Variants in ZNF777 observed in about 807,000 individuals in gnomAD.
ZNF777 encodes the protein zinc finger protein 777.
Under a neutral mutation model 72.1 loss-of-function variants are expected in ZNF777, and 7 were observed. The observed-to-expected ratio is 0.10, with a 90% CI of 0.06 to 0.18. The LOEUF is 0.18. ZNF777 is among the 10% of genes least tolerant of loss of function. The probability of loss-of-function intolerance (pLI) is 1.00; values close to 1 mark genes in which losing one functional copy is unlikely to be tolerated. For missense variants in ZNF777, 828 were observed against 1,128.6 expected, an observed-to-expected ratio of 0.73 and a Z score of 3.82; for synonymous variants, 545 against 483.5, an observed-to-expected ratio of 1.13 and a Z score of -1.67.
In ZNF777 at chr7:149,436,890, A is replaced by G; in HGVS notation, c.1088-64T>C. The G allele has an allele frequency of 7.1e-6, 11 of 1,550,226 alleles. No homozygotes were observed. Among genetic ancestry groups the G allele is most frequent in the Non-Finnish European group, 9.6e-6 (11 of 1,140,192 alleles). On this transcript the variant is annotated intron_variant, in intron 4 of 5. Transcript: ENST00000247930. This position sits in a 1 kb window ranked among gnomAD's most constrained non-coding sequence, Gnocchi z 5.0. ...CCCAGAATGTTCATGCCAACTGCCC[A>G]GGTTTCTGCAGCCCTACAATTTACA...
intron 1 of ZNF777, among the ~76,000 whole-genome samples, chr7:149,459,305 G>A (rs965210635): frequency 6.6e-6 from 1 of 152,158 alleles, no homozygotes; most frequent in African/African-American, 2.4e-5. Context: ...GGATCTGAGG[G>A]ATGATTTTTT....
In ZNF777 at chr7:149,455,356, A is replaced by G; in HGVS notation, c.667T>C (p.Cys223Arg). 1 of 1,614,232 alleles carries G rather than the reference A, an allele frequency of 6.2e-7. No individual in the cohort carries two copies. The highest frequency in any genetic ancestry group is 8.5e-7 in the Non-Finnish European group (1 of 1,180,050). ...TGTNEKKIADCEKTAVEFANH... is the reference protein window; with the variant it reads ...TGTNEKKIADREKTAVEFANH... ...GCGAACTCCACGGCTGTCTTCTCGC[A>G]GTCGGCTATCTTCTTTTCATTTGTC... The change falls in exon 2 of 6, where the codon TGC becomes CGC. Residue 223 changes from cysteine to arginine, a missense_variant. Physicochemically the swap from Cys to Arg is radical, Grantham distance 180. Transcript: ENST00000247930. The surrounding 1 kb of genome is among the most constrained non-coding windows in gnomAD (Gnocchi z 4.2).
In ZNF777 at chr7:149,432,040, G is replaced by A; in HGVS notation, c.2232C>T (p.His744=). The change falls in exon 6 of 6, where the codon CAC becomes CAT. Residue 744 remains histidine, a synonymous_variant. Transcript: ENST00000247930. The part of the protein sequence containing the change: ...KSKLTNHCRV[H]SRERPHACPE... Reference sequence around the variant, plus strand: ...GGCAGGCGTGCGGCCGCTCGCGCGAGTGCACGCGGCAGTGGTTGGTGAGCT... The same window carrying A: ...GGCAGGCGTGCGGCCGCTCGCGCGAATGCACGCGGCAGTGGTTGGTGAGCT... 6.2e-7 allele frequency: 1 copy of A among 1,607,698 alleles called. No homozygotes were observed. The highest frequency in any genetic ancestry group is 8.5e-7 in the Non-Finnish European group (1 of 1,179,740).
At chr7:149,450,941 C>A in intron 4 of ZNF777, 58 bp downstream of exon 4, 1 of 1,492,600 alleles carries the variant, frequency 6.7e-7, no homozygotes, top group Admixed American at 1.7e-5. Flanking sequence ...CATGCTGGCG[C>A]TTCCTGAGTA....
At position 149,460,050 on chromosome 7, in the gene ZNF777, C is replaced by T. The variant is rs1029318848; in HGVS notation, c.-16+765G>A. 1 of 982,700 alleles carries T rather than the reference C, an allele frequency of 1.0e-6. No individual in the cohort carries two copies. Among genetic ancestry groups the T allele is most frequent in the Non-Finnish European group, 1.2e-6 (1 of 828,794 alleles). 60.9% of individuals were successfully genotyped at this position (982,700 alleles called of 1,614,324 possible). A position where few individuals can be genotyped will look rare whatever the true frequency, so the allele number is the denominator to read the frequency against. On this transcript the variant is annotated intron_variant, in intron 1 of 5. Coordinates refer to ENST00000247930, the MANE Select transcript of ZNF777 (RefSeq NM_015694.3). This position sits in a 1 kb window ranked among gnomAD's most constrained non-coding sequence, Gnocchi z 6.1. ...CTTACCGAGATCCCAGGCCGGGCCG[C>T]CGAGCCCGGGACACGCAGGCCGTCC...
chr7:149,431,794 C>G lies in ZNF777; in HGVS notation c.2478G>C (p.Arg826=). The G allele has an allele frequency of 6.3e-7, 1 of 1,596,796 alleles. No individual in the cohort carries two copies. The highest frequency in any genetic ancestry group is 8.5e-7 in the Non-Finnish European group (1 of 1,177,612). ...CGCGCGCTCACTCGCCCGTGTGGGT[C>G]CGCAGGTGGTACTTGAGCGACTGCT... is the stretch of plus-strand genomic sequence containing the variant. ...RYKQSLKYHL[R]THTGE is the part of the protein sequence containing the mutation. Residue 826 remains arginine, a synonymous_variant, in exon 6 of 6, where the codon CGG becomes CGC. Transcript: ENST00000247930.
chr7:149,431,914 G>A lies in ZNF777; in HGVS notation c.2358C>T (p.Arg786=). Residue 786 remains arginine (R), a synonymous_variant, in exon 6 of 6, where the codon CGC becomes CGT. Transcript: ENST00000247930. The part of the protein sequence containing the change: ...RPYHCAECGK[R]FTQKHHLLEH... ...CCAGCAGGTGATGCTTCTGCGTGAA[G>A]CGCTTGCCGCACTCGGCGCAGTGGT... 1 of 1,609,478 alleles carries A rather than the reference G, an allele frequency of 6.2e-7. No individual in the cohort carries two copies. Among genetic ancestry groups the A allele is most frequent in the African/African-American group, 1.3e-5 (1 of 75,014 alleles).
intron 4 of ZNF777, among the ~76,000 whole-genome samples, chr7:149,443,813 A>G (rs915221214): frequency 4.6e-5 from 7 of 152,122 alleles, no homozygotes; most frequent in African/African-American, 1.7e-4. Flanking sequence ...GGCTAATCTC[A>G]AACTCCTGAC....
At chr7:149,435,774 G>A (rs1799399942) in intron 5 of ZNF777, among the ~76,000 whole-genome samples, 1 of 151,740 alleles carries the variant, frequency 6.6e-6, no homozygotes, top group African/African-American at 2.4e-5. Context: ...TCAGAATACA[G>A]AACAACAGCA....
chr7:149,441,240 T>G (rs1314416009), intron 4 of ZNF777, among the ~76,000 whole-genome samples: 1 of 152,192 alleles, frequency 6.6e-6, no homozygotes, highest in Non-Finnish European at 1.5e-5. Flanking sequence ...ATTGTGGGAA[T>G]ATAGTTTATG....
chr7:149,436,717 C>T lies in ZNF777; in HGVS notation c.1197G>A (p.Gln399=). 6.2e-7 allele frequency: 1 copy of T among 1,614,172 alleles called. No individual in the cohort carries two copies. The highest frequency in any genetic ancestry group is 8.5e-7 in the Non-Finnish European group (1 of 1,180,028). The change falls in exon 5 of 6, where the codon CAG becomes CAA. Residue 399 remains glutamine (Q), a synonymous_variant. Coordinates refer to ENST00000247930, the MANE Select transcript of ZNF777 (RefSeq NM_015694.3). This position sits in a 1 kb window ranked among gnomAD's most constrained non-coding sequence, Gnocchi z 5.0. ...LMGQVEEHGF[Q]DSELGDPCGE... The stretch of plus-strand genomic sequence containing the variant: ...CACAGGGGTCACCCAGCTCTGAGTC[C>T]TGGAAGCCGTGCTCTTCCACCTGTC...
Position 149,456,006 on chromosome 7 carries a change from G to A in ZNF777, c.17C>T (p.Ser6Leu). 6.3e-7 allele frequency: 1 copy of A among 1,592,118 alleles called. No individual in the cohort carries two copies. Among genetic ancestry groups the A allele is most frequent in the Non-Finnish European group, 8.6e-7 (1 of 1,168,564 alleles). Residue 6 changes from serine (S) to leucine (L), a missense_variant, in exon 2 of 6, where the codon TCA becomes TTA. This residue lies in a region of ZNF777 where 222 missense variants were observed against 211.2 expected (regional missense o/e 1.05). Coordinates refer to ENST00000247930, the MANE Select transcript of ZNF777 (RefSeq NM_015694.3). MENQRSSPLSFPSVPQ... is the reference protein window; with the variant it reads MENQRLSPLSFPSVPQ... The stretch of plus-strand genomic sequence containing the variant: ...AACACTGGGGAACGACAGAGGTGAT[G>A]AGCGTTGGTTCTCCATGTCCAGCTG...
intron 5 of ZNF777, among the ~76,000 whole-genome samples, chr7:149,434,278 C>T (rs1379665320): frequency 4.6e-5 from 7 of 152,202 alleles, no homozygotes; most frequent in Admixed American, 3.9e-4. Flanking sequence ...TTGCTAGTGA[C>T]TCCCTGTCCT....
At position 149,455,069 on chromosome 7, in the gene ZNF777, T is replaced by C. The variant is rs1005147699; in HGVS notation, c.846+108A>G. On this transcript the variant is annotated intron_variant, in intron 2 of 5. Transcript: ENST00000247930. The surrounding 1 kb of genome is among the most constrained non-coding windows in gnomAD (Gnocchi z 4.2). ...CATGTCCTAGCAACTGGGATCACTG[T>C]ATTTTTTCCTTTATCAACCACCCCT... The C allele has an allele frequency of 5.1e-6, 7 of 1,367,980 alleles. No individual in the cohort carries two copies. Among genetic ancestry groups the C allele is most frequent in the Non-Finnish European group, 6.0e-6 (6 of 1,005,224 alleles). The allele number at this position is 1,367,980 out of a possible 1,614,324, so 84.7% of individuals were successfully genotyped here. A position where few individuals can be genotyped will look rare whatever the true frequency, so the allele number is the denominator to read the frequency against.
chr7:149,452,580 C>T (rs998173690), intron 3 of ZNF777, among the ~76,000 whole-genome samples: 3 of 150,464 alleles, frequency 2.0e-5, no homozygotes, highest in Non-Finnish European at 4.4e-5. Context: ...TTGCAGTGAG[C>T]CCAGATCGTG....
intron 3 of ZNF777, among the ~76,000 whole-genome samples, 171 bp downstream of exon 3, chr7:149,453,940 T>C (rs976405905): frequency 1.3e-5 from 2 of 152,240 alleles, no homozygotes; most frequent in Non-Finnish European, 2.9e-5. Flanking sequence ...TGGGCCGCAC[T>C]GATGTGTGTG....
rs61005836 is a variant in ZNF777, at chr7:149,448,485, C to CTATATATATATATA, written c.1087+2500_1087+2513dup. Among the ~76,000 whole-genome samples, 31 of 104,620 alleles carry CTATATATATATATA rather than the reference C, an allele frequency of 3.0e-4. 1 individual carries two copies. Among genetic ancestry groups the CTATATATATATATA allele is most frequent in the African/African-American group, 1.2e-3 (24 of 19,414 alleles). 68.6% of individuals were successfully genotyped at this position (104,620 alleles called of 152,430 possible). A position where few individuals can be genotyped will look rare whatever the true frequency, so the allele number is the denominator to read the frequency against. The stretch of plus-strand genomic sequence containing the variant: ...GCTCCATCTCAAAAACAAAACAAAA[C>CTATATATATATATA]TATATATATATATATATATATATAT... On this transcript the variant is annotated intron_variant, in intron 4 of 5. Transcript: ENST00000247930.
rs1220414858 is a variant in ZNF777, at chr7:149,460,021, G to A, written c.-16+794C>T. 2 of 977,696 alleles carry A rather than the reference G, an allele frequency of 2.0e-6. No individual in the cohort carries two copies. The highest frequency in any genetic ancestry group is 1.8e-5 in the African/African-American group (1 of 56,428). The allele number at this position is 977,696 out of a possible 1,614,324, so 60.6% of individuals were successfully genotyped here. ...CCCGCGCCAACGTCGTAGCGTTTCT[G>A]CCCCTTACCGAGATCCCAGGCCGGG... On this transcript the variant is annotated intron_variant, in intron 1 of 5. Coordinates refer to ENST00000247930, the MANE Select transcript of ZNF777 (RefSeq NM_015694.3). The surrounding 1 kb of genome is among the most constrained non-coding windows in gnomAD (Gnocchi z 6.1).
chr7:149,442,041 C>G (rs1799526688), intron 4 of ZNF777, among the ~76,000 whole-genome samples: 1 of 151,234 alleles, frequency 6.6e-6, no homozygotes, highest in African/African-American at 2.4e-5. Flanking sequence ...CGTGGTGAAA[C>G]TTCGTCTCTA....
Sources: allele counts gnomAD v4.1 joint callset (sites outside exome capture counted in the v4.1 genomes callset), GRCh38; gene constraint gnomAD v4.1.1; regional missense constraint gnomAD v4.1.1; non-coding constraint Gnocchi (gnomAD v3.1); transcripts MANE v1.5; gene names NCBI Gene and HGNC (gene_info 2026-07-23, HGNC 2026-07-21).